Variants in SPAG16 observed in about 807,000 individuals in gnomAD.
SPAG16 encodes sperm-associated antigen 16 protein.
In SPAG16, 86 loss-of-function variants were observed where a neutral mutation model predicts 80.4. The ratio of observed to expected loss-of-function variants is 1.07; its 90% CI spans 0.90 to 1.28. The LOEUF (loss-of-function observed/expected upper bound fraction) is 1.28. Ranked by LOEUF, SPAG16 falls within the 50% of genes most tolerant of loss-of-function variation. SPAG16 has a pLI of 0.00. For synonymous variants in SPAG16, 294 were observed against 265.9 expected (o/e 1.11, Z -1.03); for missense variants, 870 against 765.3 (o/e 1.14, Z -1.61).
At chr2:213,491,835 C>T (rs1047237200) in intron 10 of SPAG16, among the ~76,000 whole-genome samples, 2 of 152,132 alleles carry the variant, frequency 1.3e-5, no homozygotes, top group African/African-American at 4.8e-5. Flanking sequence ...TACTGCAACT[C>T]AAGGAATAAT....
intron 10 of SPAG16, among the ~76,000 whole-genome samples, chr2:213,636,835 C>T (rs1225646345): frequency 1.3e-5 from 2 of 152,166 alleles, no homozygotes; most frequent in African/African-American, 4.8e-5. Flanking sequence ...ATTCATTTAT[C>T]ATATCTTGGA....
chr2:213,687,239 G>A (rs2125282076), intron 10 of SPAG16, among the ~76,000 whole-genome samples: 1 of 151,910 alleles, frequency 6.6e-6, no homozygotes, highest in Admixed American at 6.6e-5. Flanking sequence ...TGTTATTATT[G>A]TCATGCATAT....
At chr2:214,399,444 C>G (rs998572128) in intron 15 of SPAG16, among the ~76,000 whole-genome samples, 3 of 152,046 alleles carry the variant, frequency 2.0e-5, no homozygotes, top group African/African-American at 7.2e-5. Flanking sequence ...TAATTATTAA[C>G]AATTCACCAC....
At chr2:213,445,037 C>G (rs1188779732) in intron 9 of SPAG16, among the ~76,000 whole-genome samples, 1 of 152,062 alleles carries the variant, frequency 6.6e-6, no homozygotes, top group Non-Finnish European at 1.5e-5. Flanking sequence ...AACTGAATAT[C>G]CATATGCAGA....
At chr2:213,772,491 T>C (rs1312120018) in intron 10 of SPAG16, among the ~76,000 whole-genome samples, 1 of 152,176 alleles carries the variant, frequency 6.6e-6, no homozygotes, top group Non-Finnish European at 1.5e-5. Flanking sequence ...GCCTAGAAGT[T>C]TTTTAATTTT....
chr2:214,136,503 G>T (rs1322491109), intron 14 of SPAG16, among the ~76,000 whole-genome samples: 1 of 152,120 alleles, frequency 6.6e-6, no homozygotes, highest in South Asian at 2.1e-4. Context: ...TAGCTGCTCG[G>T]TAATTATTTT....
chr2:214,288,574 C>T (rs1559184648), intron 15 of SPAG16, among the ~76,000 whole-genome samples: 1 of 152,068 alleles, frequency 6.6e-6, no homozygotes, highest in East Asian at 1.9e-4. Flanking sequence ...CTCCTCACAT[C>T]CCGATCAGCA....
intron 15 of SPAG16, among the ~76,000 whole-genome samples, chr2:214,243,559 G>T (rs1466908717): frequency 3.3e-5 from 5 of 151,712 alleles, no homozygotes; most frequent in African/African-American, 7.3e-5. Context: ...CACATAAAAG[G>T]TTATAATGTG....
chr2:214,149,388 T>A, intron 15 of SPAG16, 122 bp downstream of exon 15: 1 of 820,642 alleles, frequency 1.2e-6, no homozygotes, highest in Non-Finnish European at 1.7e-6. Context: ...TAATATTACA[T>A]TATATTACAT....
intron 10 of SPAG16, among the ~76,000 whole-genome samples, chr2:213,676,697 G>A (rs576490650): frequency 2.4e-4 from 36 of 151,428 alleles, no homozygotes; most frequent in South Asian, 1.5e-3. Context: ...ATTGATTTGC[G>A]TATATTGAAC....
chr2:214,258,229 T>A (rs1055404666), intron 15 of SPAG16, among the ~76,000 whole-genome samples: 14 of 151,614 alleles, frequency 9.2e-5, no homozygotes, highest in African/African-American at 2.9e-4. Flanking sequence ...TGTAGTCTTT[T>A]ATTCCTCACC....
At chr2:213,436,897 G>A (rs532250233) in intron 9 of SPAG16, among the ~76,000 whole-genome samples, 25 of 151,540 alleles carry the variant, frequency 1.6e-4, no homozygotes, top group Non-Finnish European at 3.2e-4. Context: ...GTAATACTAC[G>A]CAAAAATGAT....
At position 213,863,040 on chromosome 2, in the gene SPAG16, T is replaced by G. The variant is rs569541450; in HGVS notation, c.1214+412T>G. ...GGATCAGATAGCTGCGATCAATTTC[T>G]CTAAAAATTCAGTGACACACAAGAT... On this transcript the variant is annotated intron_variant, in intron 11 of 15. Transcript: ENST00000331683. Among the ~76,000 whole-genome samples, 4 of 152,320 alleles carry G rather than the reference T, an allele frequency of 2.6e-5. No individual in the cohort carries two copies. The South Asian group carries it at 8.3e-4, about 32-fold the overall frequency.
At chr2:213,429,031 G>T (rs1257176811) in intron 9 of SPAG16, among the ~76,000 whole-genome samples, 4 of 151,564 alleles carry the variant, frequency 2.6e-5, no homozygotes, top group African/African-American at 9.7e-5. Flanking sequence ...GGCAGGGGTT[G>T]CAGTGAGCCA....
At chr2:213,886,384 A>T (rs2076556042) in intron 11 of SPAG16, among the ~76,000 whole-genome samples, 3 of 152,014 alleles carry the variant, frequency 2.0e-5, no homozygotes, top group Admixed American at 2.0e-4. Flanking sequence ...GGGTAGAATG[A>T]GCAGCTAGAG....
chr2:213,679,607 T>A (rs2064278878), intron 10 of SPAG16, among the ~76,000 whole-genome samples: 2 of 152,220 alleles, frequency 1.3e-5, no homozygotes, highest in Non-Finnish European at 2.9e-5. Context: ...CAATTCCCTG[T>A]TGCTCCGGTG....
chr2:213,314,810 C>G lies in SPAG16; in HGVS notation c.399-2409C>G, dbSNP rs1431880648. ...TATGGTCAGAAAAAGCCTATGTCTT[C>G]TCTTCTGAGATAAGTATATCACATT... On this transcript the variant is annotated intron_variant, in intron 4 of 15. Transcript: ENST00000331683. 4.0e-5 allele frequency among the ~76,000 whole-genome samples: 6 copies of G among 151,854 alleles called. No homozygotes were observed. In the Admixed American group the frequency reaches 4.0e-4, roughly 10 times the overall value.
intron 10 of SPAG16, among the ~76,000 whole-genome samples, chr2:213,588,620 G>A (rs1270056245): frequency 2.0e-5 from 3 of 150,146 alleles, no homozygotes; most frequent in Non-Finnish European, 3.0e-5. Context: ...GGCTAACAAG[G>A]TGAAACCCCG....
At chr2:213,312,763 G>T (rs767912174) in intron 4 of SPAG16, among the ~76,000 whole-genome samples, 2 of 151,590 alleles carry the variant, frequency 1.3e-5, no homozygotes, top group Non-Finnish European at 3.0e-5. Context: ...TAAATTAAGA[G>T]TATATTTCAT....
Sources: allele counts gnomAD v4.1 joint callset (sites outside exome capture counted in the v4.1 genomes callset), GRCh38; gene constraint gnomAD v4.1.1; transcripts MANE v1.5; gene names NCBI Gene and HGNC (gene_info 2026-07-23, HGNC 2026-07-21).